CNTN4: variants seen among roughly 807,000 people sequenced by gnomAD.
The protein encoded by CNTN4 is contactin 4.
A neutral mutation model predicts 122.5 loss-of-function variants in CNTN4; 77 were observed. That is an observed-to-expected ratio of 0.63 (90% CI 0.52 to 0.76). The LOEUF (loss-of-function observed/expected upper bound fraction) is 0.76. Among genes scored for constraint, CNTN4 ranks in the 30% least tolerant of loss-of-function variants. The pLI is 0.00. For synonymous variants in CNTN4, 512 were observed against 447.0 expected (o/e 1.15, Z -1.83); for missense variants, 1,256 against 1,259.1 (o/e 1.00, Z 0.04).
chr3:2,562,558 T>C (rs547382215), intron 3 of CNTN4, among the ~76,000 whole-genome samples: 2 of 152,314 alleles, frequency 1.3e-5, no homozygotes, highest in East Asian at 3.9e-4. Flanking sequence ...AAGAACATCA[T>C]TTCATTCATT....
chr3:2,623,890 G>GA (rs539652938), intron 4 of CNTN4, among the ~76,000 whole-genome samples: 153 of 151,936 alleles, frequency 1.0e-3, no homozygotes, highest in African/African-American at 3.4e-3. Flanking sequence ...CTCACACATA[G>GA]AAAAAAACAA....
chr3:2,518,492 GT>G (rs1257179017), intron 3 of CNTN4, among the ~76,000 whole-genome samples: 1 of 152,084 alleles, frequency 6.6e-6, no homozygotes, highest in Non-Finnish European at 1.5e-5. Flanking sequence ...TGCAAGTCTG[GT>G]TAAGGCTCTG....
rs116082006 is a variant in CNTN4, at chr3:2,860,037, G to A, written c.455-6715G>A. Among the ~76,000 whole-genome samples, 728 of 152,294 alleles carry A rather than the reference G, an allele frequency of 4.8e-3. 5 individuals are homozygous for A. The highest frequency in any genetic ancestry group is 0.016 in the African/African-American group (651 of 41,550). Reference sequence around the variant, plus strand: ...CATACCTCCACTGCCACATCTGAGCGAGTAAATAGCATGTACTAAAAATAT... The same window carrying A: ...CATACCTCCACTGCCACATCTGAGCAAGTAAATAGCATGTACTAAAAATAT... On this transcript the variant is annotated intron_variant, in intron 7 of 24. Transcript: ENST00000418658.
intron 6 of CNTN4, among the ~76,000 whole-genome samples, chr3:2,808,426 G>A (rs1188668546): frequency 6.6e-6 from 1 of 151,732 alleles, no homozygotes; most frequent in African/African-American, 2.4e-5. Flanking sequence ...ATTTTCATTG[G>A]GGAGAAAAAA....
At chr3:2,388,408 C>T (rs769660636) in intron 3 of CNTN4, among the ~76,000 whole-genome samples, 2 of 152,098 alleles carry the variant, frequency 1.3e-5, no homozygotes, top group Non-Finnish European at 2.9e-5. Context: ...ATAGAGGAGC[C>T]CACACTGGCC....
chr3:2,767,048 G>T (rs1052037226), intron 6 of CNTN4, among the ~76,000 whole-genome samples: 9 of 152,084 alleles, frequency 5.9e-5, no homozygotes, highest in Non-Finnish European at 8.8e-5. Context: ...AAATGGTCTT[G>T]GTGTATCACA....
At position 2,175,241 on chromosome 3, in the gene CNTN4, C is replaced by T. The variant is rs189757059; in HGVS notation, c.-145+74602C>T. Among the ~76,000 whole-genome samples, 31 of 151,864 alleles carry T rather than the reference C, an allele frequency of 2.0e-4. No individual in the cohort carries two copies. The East Asian group carries it at 5.6e-3, about 27-fold the overall frequency. On this transcript the variant is annotated intron_variant, in intron 2 of 24. Transcript: ENST00000418658. ...GTTCATTAGTCTCCTAAACCTCTGC[C>T]GATAGCTTGCCTTTTCTTTGTGACC... is the stretch of plus-strand genomic sequence containing the variant.
At chr3:2,798,520 T>C (rs115382009) in intron 6 of CNTN4, among the ~76,000 whole-genome samples, 202 of 152,234 alleles carry the variant, frequency 1.3e-3, no homozygotes, top group African/African-American at 4.5e-3. Context: ...TCTTTTTCTT[T>C]TCTTTTTGAG....
intron 13 of CNTN4, among the ~76,000 whole-genome samples, chr3:2,953,971 T>C (rs1333883019): frequency 2.0e-5 from 3 of 152,224 alleles, no homozygotes; most frequent in Non-Finnish European, 4.4e-5. Flanking sequence ...TTTTCTAAAT[T>C]AAGTCAATTC....
chr3:2,297,553 G>T (rs1257858554), intron 2 of CNTN4, among the ~76,000 whole-genome samples: 1 of 152,020 alleles, frequency 6.6e-6, no homozygotes, highest in Non-Finnish European at 1.5e-5. Flanking sequence ...ATTTCACCCT[G>T]CCCATTTAAT....
At chr3:2,491,024 A>T (rs1054654095) in intron 3 of CNTN4, among the ~76,000 whole-genome samples, 61 of 152,294 alleles carry the variant, frequency 4.0e-4, no homozygotes, top group African/African-American at 1.4e-3. Flanking sequence ...GGGGGGAAAA[A>T]TCAGTCTTTC....
At chr3:2,788,245 G>C (rs773900887) in intron 6 of CNTN4, among the ~76,000 whole-genome samples, 1 of 152,106 alleles carries the variant, frequency 6.6e-6, no homozygotes, top group Non-Finnish European at 1.5e-5. Flanking sequence ...AGTAATTCAG[G>C]CACCCAAGGG....
At chr3:2,659,676 C>T (rs2083780387) in intron 4 of CNTN4, among the ~76,000 whole-genome samples, 1 of 151,998 alleles carries the variant, frequency 6.6e-6, no homozygotes, top group Admixed American at 6.5e-5. Flanking sequence ...ACTTGGCTTT[C>T]TACATACCAG....
chr3:3,046,342 C>T (rs369774353), intron 23 of CNTN4, among the ~76,000 whole-genome samples: 5 of 151,906 alleles, frequency 3.3e-5, no homozygotes, highest in East Asian at 1.9e-4. Context: ...TCACCAAAGT[C>T]GAAATGAAGG....
chr3:2,844,334 C>A (rs1039177208), intron 7 of CNTN4, among the ~76,000 whole-genome samples: 3 of 152,140 alleles, frequency 2.0e-5, no homozygotes, highest in Middle Eastern at 3.2e-3. Context: ...CACGGTTGTA[C>A]TTTAAAGCAT....
At chr3:2,707,465 T>G (rs961070315) in intron 4 of CNTN4, among the ~76,000 whole-genome samples, 3 of 152,196 alleles carry the variant, frequency 2.0e-5, no homozygotes, top group African/African-American at 7.2e-5. Flanking sequence ...GATAGCTGCA[T>G]AAGAATTCTC....
chr3:2,338,766 T>C (rs1260827203), intron 2 of CNTN4, among the ~76,000 whole-genome samples: 5 of 152,142 alleles, frequency 3.3e-5, no homozygotes, highest in African/African-American at 1.2e-4. Context: ...TTTTATGTAT[T>C]CATATACCTA....
rs1294939875 is a variant in CNTN4 at position 2,354,273 on chromosome 3, G to A, written c.-89+15040G>A. Among the ~76,000 whole-genome samples the A allele has an allele frequency of 3.3e-5, 5 of 152,316 alleles. No individual in the cohort carries two copies. The South Asian group carries it at 6.2e-4, about 19-fold the overall frequency. On this transcript the variant is annotated intron_variant, in intron 3 of 24. Coordinates refer to ENST00000418658, the MANE Select transcript of CNTN4 (RefSeq NM_175607.3). ...GGGCTGGGCATGGTGGCTCATGCCT[G>A]TAATCCCAGCACTTTGGGAGGCCGA...
chr3:2,338,075 T>A (rs2044028793), intron 2 of CNTN4, among the ~76,000 whole-genome samples: 1 of 152,106 alleles, frequency 6.6e-6, no homozygotes, highest in Non-Finnish European at 1.5e-5. Context: ...TTTTTCATAA[T>A]CCATAGGAAA....
Sources: allele counts gnomAD v4.1 joint callset (sites outside exome capture counted in the v4.1 genomes callset), GRCh38; gene constraint gnomAD v4.1.1; transcripts MANE v1.5; gene names NCBI Gene and HGNC (gene_info 2026-07-23, HGNC 2026-07-21).